The following CCSER1 variants were observed in gnomAD, a reference collection of about 807,000 sequenced individuals.
CCSER1 encodes coiled-coil serine rich protein 1.
Under a neutral mutation model 82.0 loss-of-function variants are expected in CCSER1, and 41 were observed. The ratio of observed to expected loss-of-function variants is 0.50; its 90% CI spans 0.39 to 0.65. CCSER1 has a LOEUF of 0.65. Ranked by LOEUF, CCSER1 falls within the 30% of genes least tolerant of loss-of-function variation. The pLI is 0.00. For missense variants in CCSER1, 1,119 were observed against 1,064.2 expected (o/e 1.05, Z -0.72); for synonymous variants, 414 against 383.9 (o/e 1.08, Z -0.92).
intron 9 of CCSER1, among the ~76,000 whole-genome samples, chr4:91,031,115 G>C (rs936627969): frequency 2.6e-5 from 4 of 152,162 alleles, no homozygotes; most frequent in Non-Finnish European, 5.9e-5. Context: ...ATTTTTCACT[G>C]TGGCTCATTA....
At chr4:90,577,924 T>C (rs1214071331) in intron 5 of CCSER1, among the ~76,000 whole-genome samples, 2 of 152,152 alleles carry the variant, frequency 1.3e-5, no homozygotes, top group Non-Finnish European at 2.9e-5. Flanking sequence ...TAACTAAAGA[T>C]ATTAATATTT....
In CCSER1 at chr4:91,191,928, GA is replaced by G. The variant is rs201443453; in HGVS notation, c.2217+105937del. Among the ~76,000 whole-genome samples the G allele has an allele frequency of 8.4e-3, 1,286 of 152,242 alleles. 14 individuals carry two copies. Among genetic ancestry groups the G allele is most frequent in the Non-Finnish European group, 0.013 (915 of 68,022 alleles). ...TTGCTTGCAGCCTAGAACCTTGGCT[GA>G]AATAAGAAAAAGTAGCCTATTTTCA... On this transcript the variant is annotated intron_variant, in intron 10 of 10. Transcript: ENST00000509176.
intron 7 of CCSER1, among the ~76,000 whole-genome samples, chr4:90,791,890 G>C (rs1049755248): frequency 1.3e-5 from 2 of 150,340 alleles, no homozygotes; most frequent in Admixed American, 6.6e-5. Context: ...ATAGGCTAAA[G>C]TATAGGCTAA....
intron 9 of CCSER1, among the ~76,000 whole-genome samples, chr4:91,054,848 G>C (rs1743309510): frequency 6.6e-6 from 1 of 152,156 alleles, no homozygotes; most frequent in Admixed American, 6.6e-5. Context: ...TGCTCAAAGA[G>C]TTTCAGATTT....
At chr4:91,081,657 G>A (rs1722766319) in intron 9 of CCSER1, among the ~76,000 whole-genome samples, 1 of 152,148 alleles carries the variant, frequency 6.6e-6, no homozygotes, top group South Asian at 2.1e-4. Flanking sequence ...TGTATATTTA[G>A]AAAACCCCAT....
chr4:91,215,030 ATTG>A (rs1327741040), intron 10 of CCSER1, among the ~76,000 whole-genome samples: 10 of 152,022 alleles, frequency 6.6e-5, no homozygotes, highest in Admixed American at 5.2e-4. Flanking sequence ...TAAGGGATCT[ATTG>A]TTTTTTCTTT....
chr4:91,477,880 T>G (rs982067692), intron 10 of CCSER1, among the ~76,000 whole-genome samples: 1 of 151,802 alleles, frequency 6.6e-6, no homozygotes, highest in Non-Finnish European at 1.5e-5. Context: ...ATCTTTGAGC[T>G]AGAGGGCATA....
intron 10 of CCSER1, among the ~76,000 whole-genome samples, chr4:91,298,539 T>C (rs1297557461): frequency 6.6e-6 from 1 of 151,970 alleles, no homozygotes; most frequent in Non-Finnish European, 1.5e-5. Context: ...AAATGGTGAA[T>C]GTGGTTTCCA....
At chr4:90,693,505 A>G (rs994088554) in intron 6 of CCSER1, 3 of 151,896 alleles carry the variant, frequency 2.0e-5, no homozygotes, top group Non-Finnish European at 2.9e-5. Flanking sequence ...TCGAGTGAGT[A>G]TTTCATTGAG....
At chr4:90,882,001 A>G (rs1410798851) in intron 8 of CCSER1, among the ~76,000 whole-genome samples, 2 of 152,168 alleles carry the variant, frequency 1.3e-5, no homozygotes, top group African/African-American at 2.4e-5. Flanking sequence ...TAACTACTAC[A>G]TTAAACCCTT....
intron 10 of CCSER1, among the ~76,000 whole-genome samples, chr4:91,231,606 GAAAA>G (rs939751373): frequency 6.7e-6 from 1 of 148,434 alleles, no homozygotes; most frequent in African/African-American, 2.6e-5. Context: ...CAATTAAAAA[GAAAA>G]AAGATAAAGA....
intron 10 of CCSER1, among the ~76,000 whole-genome samples, chr4:91,089,887 A>G (rs1723773150): frequency 6.6e-6 from 1 of 152,234 alleles, no homozygotes; most frequent in African/African-American, 2.4e-5. Context: ...TAGTAAGGTT[A>G]AATTTTCCAC....
intron 1 of CCSER1, among the ~76,000 whole-genome samples, chr4:90,136,802 A>G (rs781368565): frequency 2.0e-5 from 3 of 152,226 alleles, no homozygotes; most frequent in Non-Finnish European, 4.4e-5. Flanking sequence ...ATATTCTTCA[A>G]GACATTTAGG....
intron 7 of CCSER1, among the ~76,000 whole-genome samples, chr4:90,759,391 G>A (rs1261425467): frequency 6.6e-6 from 1 of 152,130 alleles, no homozygotes; most frequent in Admixed American, 6.6e-5. Flanking sequence ...TGCTACCTCA[G>A]TAAAAGTGAC....
At chr4:91,519,899 G>A (rs1305128759) in intron 10 of CCSER1, among the ~76,000 whole-genome samples, 2 of 152,176 alleles carry the variant, frequency 1.3e-5, no homozygotes, top group East Asian at 1.9e-4. Context: ...TGAAAACAAT[G>A]TGTACTAGTT....
chr4:91,107,394 G>A (rs1163246825), intron 10 of CCSER1, among the ~76,000 whole-genome samples: 1 of 152,062 alleles, frequency 6.6e-6, no homozygotes, highest in Non-Finnish European at 1.5e-5. Context: ...ATCTGGGACT[G>A]CAGGCGCATG....
chr4:91,523,941 T>G (rs755816254), intron 10 of CCSER1, among the ~76,000 whole-genome samples: 24 of 152,060 alleles, frequency 1.6e-4, no homozygotes, highest in Non-Finnish European at 3.1e-4. Flanking sequence ...GTGTTTTCCA[T>G]GTTAGAATGA....
At chr4:90,229,301 G>C (rs561265590) in intron 1 of CCSER1, among the ~76,000 whole-genome samples, 1 of 152,318 alleles carries the variant, frequency 6.6e-6, no homozygotes, top group South Asian at 2.1e-4. Flanking sequence ...CCAGAAGAGA[G>C]TGGGGGCCAA....
chr4:90,924,300 T>C (rs1721004926), intron 9 of CCSER1, among the ~76,000 whole-genome samples: 1 of 152,146 alleles, frequency 6.6e-6, no homozygotes, highest in South Asian at 2.1e-4. Context: ...ATCTGCATGG[T>C]CTCATTATGT....
Sources: gnomAD v4.1 joint callset for allele counts (sites outside exome capture counted in the v4.1 genomes callset) on GRCh38, gnomAD v4.1.1 for gene constraint, MANE v1.5 for transcripts, NCBI Gene and HGNC (gene_info 2026-07-23, HGNC 2026-07-21) for gene names.